FIGN: variants seen among roughly 807,000 people sequenced by gnomAD.
FIGN encodes fidgetin, microtubule severing factor.
In FIGN, 11 loss-of-function variants were observed where a neutral mutation model predicts 51.3. The ratio of observed to expected loss-of-function variants is 0.21; its 90% CI spans 0.13 to 0.35. The LOEUF (loss-of-function observed/expected upper bound fraction) is 0.35, where lower values mean the gene tolerates loss of function less well. Among genes scored for constraint, FIGN ranks in the 10% least tolerant of loss-of-function variants. The probability of loss-of-function intolerance (pLI) is 1.00; values close to 1 mark genes in which losing one functional copy is unlikely to be tolerated. For missense variants in FIGN, 857 were observed against 943.6 expected, an observed-to-expected ratio of 0.91 and a Z score of 1.20; for synonymous variants, 407 against 363.2, an observed-to-expected ratio of 1.12 and a Z score of -1.37.
intron 2 of FIGN, among the ~76,000 whole-genome samples, chr2:163,681,682 G>A (rs752594485): frequency 9.2e-5 from 14 of 152,188 alleles, no homozygotes; most frequent in African/African-American, 1.9e-4. Context: ...CTGTGTATGT[G>A]TAAAACTTTA....
rs1691217612 is a variant in FIGN at position 163,610,488 on chromosome 2, A to C, written c.1344T>G (p.Arg448=). 1.2e-6 allele frequency: 2 copies of C among 1,614,134 alleles called. No homozygotes were observed. Among genetic ancestry groups the C allele is most frequent in the Admixed American group, 1.7e-5 (1 of 60,016 alleles). The change falls in exon 3 of 3, where the codon CGT becomes CGG. Residue 448 remains arginine (R), a synonymous_variant. Transcript: ENST00000333129. The stretch of plus-strand genomic sequence containing the variant: ...CAGAGTGGTTGGATGAGGTAGCTGC[A>C]CGGAGTCCAGGGCCTTGCATTGGGT... The part of the protein sequence containing the change: ...LSHPMQGPGL[R]AATSSNHSVD...
intron 2 of FIGN, among the ~76,000 whole-genome samples, chr2:163,720,427 A>G (rs1250875289): frequency 6.6e-6 from 1 of 152,204 alleles, no homozygotes; most frequent in African/African-American, 2.4e-5. Context: ...ATTAGTTTCT[A>G]TTCTAATCAA....
At chr2:163,726,456 T>A (rs958775683) in intron 2 of FIGN, among the ~76,000 whole-genome samples, 13 of 152,128 alleles carry the variant, frequency 8.5e-5, no homozygotes, top group African/African-American at 2.9e-4. Context: ...AAATGGTGAT[T>A]ATTCTTAACA....
intron 2 of FIGN, among the ~76,000 whole-genome samples, chr2:163,714,037 C>G (rs1348408779): frequency 6.6e-6 from 1 of 152,140 alleles, no homozygotes; most frequent in Admixed American, 6.5e-5. Context: ...CACAGCGGCT[C>G]ACGGGGTCCA....
At position 163,610,011 on chromosome 2, in the gene FIGN, G is replaced by A. The variant is rs2231906; in HGVS notation, c.1821C>T (p.Thr607=). Residue 607 remains threonine, a synonymous_variant, in exon 3 of 3, where the codon ACC becomes ACT. Coordinates refer to ENST00000333129, the MANE Select transcript of FIGN (RefSeq NM_018086.4). Reference sequence around the variant, plus strand: ...CAGTGTCCAGTTGCATCAGAAATTCGGTTCTCATCCGACTGACTGGACTAT... The same window carrying A: ...CAGTGTCCAGTTGCATCAGAAATTCAGTTCTCATCCGACTGACTGGACTAT... ...EEHSPVSRMR[T]EFLMQLDTVL... 26 of 1,613,938 alleles carry A rather than the reference G, an allele frequency of 1.6e-5. No individual in the cohort carries two copies. In the African/African-American group the frequency reaches 1.7e-4, roughly 11 times the overall value.
At position 163,607,048 on chromosome 2, in the gene FIGN, AT is replaced by A. The variant is rs1355271474; in HGVS notation, c.*2503del. 2 of 152,206 alleles carry A rather than the reference AT, an allele frequency of 1.3e-5. No individual in the cohort carries two copies. Among genetic ancestry groups the A allele is most frequent in the African/African-American group, 4.8e-5 (2 of 41,468 alleles). 9.4% of individuals were successfully genotyped at this position (152,206 alleles called of 1,614,324 possible). On this transcript the variant is annotated 3_prime_UTR_variant, in exon 3 of 3. Coordinates refer to ENST00000333129, the MANE Select transcript of FIGN (RefSeq NM_018086.4). ...ACTAGCCACAAAAAAATGTGGGTCA[AT>A]ATTGGATTTTCCAAAGTTGTCTAAA...
chr2:163,630,183 C>G (rs2105310288), intron 2 of FIGN, among the ~76,000 whole-genome samples: 2 of 151,812 alleles, frequency 1.3e-5, no homozygotes, highest in Middle Eastern at 6.8e-3. Flanking sequence ...CCAGATTGGT[C>G]TCAATCTCCT....
intron 2 of FIGN, among the ~76,000 whole-genome samples, chr2:163,679,368 C>A (rs375526551): frequency 5.9e-5 from 9 of 152,008 alleles, no homozygotes; most frequent in Admixed American, 5.9e-4. Context: ...TGGTGGCGGG[C>A]GCCTGTATTC....
intron 2 of FIGN, among the ~76,000 whole-genome samples, chr2:163,679,189 A>G (rs1684018789): frequency 6.6e-6 from 1 of 152,104 alleles, no homozygotes. Flanking sequence ...GTTATAATGA[A>G]TCTTAGAATG....
chr2:163,676,170 C>T (rs190631033), intron 2 of FIGN, among the ~76,000 whole-genome samples: 9 of 151,348 alleles, frequency 5.9e-5, no homozygotes, highest in African/African-American at 2.2e-4. Context: ...CCTTTTTTTG[C>T]TTAAATTCAT....
intron 2 of FIGN, among the ~76,000 whole-genome samples, chr2:163,691,131 A>G (rs1257195532): frequency 6.6e-6 from 1 of 152,112 alleles, no homozygotes; most frequent in Non-Finnish European, 1.5e-5. Flanking sequence ...AATTAAGAAC[A>G]CTGTGCACTT....
chr2:163,733,557 G>A (rs1484781324), intron 2 of FIGN, among the ~76,000 whole-genome samples: 1 of 152,104 alleles, frequency 6.6e-6, no homozygotes, highest in Non-Finnish European at 1.5e-5. Flanking sequence ...AACAGCTCCG[G>A]GGGAAAAAAA....
chr2:163,644,250 C>T (rs909528491), intron 2 of FIGN, among the ~76,000 whole-genome samples: 24 of 151,602 alleles, frequency 1.6e-4, no homozygotes, highest in African/African-American at 5.6e-4. Context: ...AGACAAATAC[C>T]CCAATTAAAC....
intron 2 of FIGN, among the ~76,000 whole-genome samples, chr2:163,633,372 G>A (rs942758113): frequency 1.3e-5 from 2 of 151,920 alleles, no homozygotes; most frequent in African/African-American, 2.4e-5. Context: ...ATTCCTCAAC[G>A]TCCTATATTA....
In FIGN at chr2:163,658,364, G is replaced by GCTCTCTCTCT. The variant is rs55894952; in HGVS notation, c.26-46568_26-46559dup. ...TATCAGCGAATCTTCTTAAGAAACAGCTCTCTCTCTCTCTCTCTCTCTCTC... is the reference window on the plus strand; with the variant it reads ...TATCAGCGAATCTTCTTAAGAAACAGCTCTCTCTCTCTCTCTCTCTCTCTCTCTCTCTCTC... On this transcript the variant is annotated intron_variant, in intron 2 of 2. Coordinates refer to ENST00000333129, the MANE Select transcript of FIGN (RefSeq NM_018086.4). Among the ~76,000 whole-genome samples the GCTCTCTCTCT allele has an allele frequency of 2.6e-3, 354 of 137,662 alleles. 4 individuals are homozygous for GCTCTCTCTCT. Among genetic ancestry groups the GCTCTCTCTCT allele is most frequent in the African/African-American group, 8.1e-3 (291 of 36,052 alleles). The allele number at this position is 137,662 out of a possible 152,430, so 90.3% of individuals were successfully genotyped here.
intron 2 of FIGN, among the ~76,000 whole-genome samples, chr2:163,679,265 G>A (rs531306655): frequency 1.1e-3 from 174 of 152,000 alleles, no homozygotes; most frequent in African/African-American, 3.9e-3. Flanking sequence ...AGGCCGAGGC[G>A]GGCAGATCAC....
At chr2:163,710,433 A>C (rs140478235) in intron 2 of FIGN, among the ~76,000 whole-genome samples, 189 of 152,330 alleles carry the variant, frequency 1.2e-3, no homozygotes, top group African/African-American at 4.4e-3. Context: ...ACAGCAAATA[A>C]ATCTTTAAGA....
At chr2:163,634,875 A>G (rs2105312971) in intron 2 of FIGN, among the ~76,000 whole-genome samples, 1 of 152,278 alleles carries the variant, frequency 6.6e-6, no homozygotes, top group South Asian at 2.1e-4. Context: ...AGTCTCTTTC[A>G]CTACTAGGCT....
chr2:163,611,541 T>C lies in FIGN; in HGVS notation c.291A>G (p.Gly97=), dbSNP rs377003751. The stretch of plus-strand genomic sequence containing the variant: ...TTTCATTTTTCCGACCGTTCACTAG[T>C]CCTGATGGTGTGTCCGAATAGTTGC... The part of the protein sequence containing the change: ...VLSNYSDTPS[G]LVNGRKNESE... The change falls in exon 3 of 3, where the codon GGA becomes GGG. Residue 97 remains glycine (G), a synonymous_variant. Transcript: ENST00000333129. 1 of 1,614,102 alleles carries C rather than the reference T, an allele frequency of 6.2e-7. No homozygotes were observed. Among genetic ancestry groups the C allele is most frequent in the Non-Finnish European group, 8.5e-7 (1 of 1,180,034 alleles).
Sources: allele counts gnomAD v4.1 joint callset (sites outside exome capture counted in the v4.1 genomes callset), GRCh38; gene constraint gnomAD v4.1.1; transcripts MANE v1.5; gene names NCBI Gene and HGNC (gene_info 2026-07-23, HGNC 2026-07-21).